PPP2CA: variants seen among roughly 807,000 people sequenced by gnomAD.
The protein encoded by PPP2CA is serine/threonine-protein phosphatase 2A catalytic subunit alpha isoform.
A neutral mutation model predicts 38.8 loss-of-function variants in PPP2CA; 5 were observed. That is an observed-to-expected ratio of 0.13 (90% CI 0.07 to 0.27). The LOEUF (loss-of-function observed/expected upper bound fraction) is 0.27, where lower values mean the gene tolerates loss of function less well. Among genes scored for constraint, PPP2CA ranks in the 10% least tolerant of loss-of-function variants. PPP2CA has a pLI of 1.00. For synonymous variants in PPP2CA, 152 were observed against 134.0 expected (o/e 1.13, Z -0.93); for missense variants, 88 against 389.7 (o/e 0.23, Z 6.52).
chr5:134,215,081 G>C (rs1156786533), intron 1 of PPP2CA, among the ~76,000 whole-genome samples: 1 of 144,976 alleles, frequency 6.9e-6, no homozygotes, highest in Non-Finnish European at 1.5e-5. Context: ...CTTGAGAAGT[G>C]TCTAATATTT....
intron 3 of PPP2CA, among the ~76,000 whole-genome samples, 151 bp downstream of exon 3, chr5:134,201,692 CAAATT>C (rs986803054): frequency 2.0e-5 from 3 of 152,090 alleles, no homozygotes; most frequent in African/African-American, 7.2e-5. Flanking sequence ...ACACATTTGT[CAAATT>C]AAATTTTTTT....
At position 134,200,428 on chromosome 5, in the gene PPP2CA, T is replaced by C. The variant is rs1335776643; in HGVS notation, c.645A>G (p.Gly215=). 6.2e-7 allele frequency: 1 copy of C among 1,614,048 alleles called. No homozygotes were observed. The highest frequency in any genetic ancestry group is 8.5e-7 in the Non-Finnish European group (1 of 1,180,032). The change falls in exon 5 of 7, where the codon GGA becomes GGG. Residue 215 remains glycine, a synonymous_variant. Transcript: ENST00000481195. Reference sequence around the variant, plus strand: ...TATCTTGCCCAAAGGTGTAACCAGCTCCTCGAGGAGATATACCCCAACCAC... The same window carrying C: ...TATCTTGCCCAAAGGTGTAACCAGCCCCTCGAGGAGATATACCCCAACCAC... The part of the protein sequence containing the change: ...DRGGWGISPR[G]AGYTFGQDIS...
chr5:134,213,410 TG>T (rs1260134741), intron 1 of PPP2CA, among the ~76,000 whole-genome samples: 1 of 97,916 alleles, frequency 1.0e-5, no homozygotes, highest in Non-Finnish European at 2.3e-5. Context: ...TGAGACCTAC[TG>T]CTCAGAAAAA....
intron 2 of PPP2CA, among the ~76,000 whole-genome samples, chr5:134,204,459 T>C (rs1344121369): frequency 6.6e-6 from 1 of 152,178 alleles, no homozygotes; most frequent in Non-Finnish European, 1.5e-5. Flanking sequence ...TTTCTACCAT[T>C]CTAGATTTTT....
chr5:134,205,859 A>G (rs1447324302), intron 2 of PPP2CA, 63 bp downstream of exon 2: 1 of 1,432,524 alleles, frequency 7.0e-7, no homozygotes, highest in Non-Finnish European at 9.7e-7. Flanking sequence ...ACTGGGGGAA[A>G]AAAAACTTTC....
chr5:134,214,159 T>A (rs1762269302), intron 1 of PPP2CA, among the ~76,000 whole-genome samples: 1 of 151,972 alleles, frequency 6.6e-6, no homozygotes, highest in Non-Finnish European at 1.5e-5. Flanking sequence ...AAAAAAAAAA[T>A]TAAAAGGTTA....
rs565711565 is a variant in PPP2CA, at chr5:134,225,520, CAA to C, written c.102+238_102+239del. ...CGTCTGGCGCCAAGGCCGGCTGACT[CAA>C]AAGCCCAGGAGTCGAGTGAACGGCG... is the stretch of plus-strand genomic sequence containing the variant. On this transcript the variant is annotated intron_variant, in intron 1 of 6. Coordinates refer to ENST00000481195, the MANE Select transcript of PPP2CA (RefSeq NM_002715.4). The C allele has an allele frequency of 1.1e-5, 5 of 451,236 alleles. No homozygotes were observed. The South Asian group carries it at 1.5e-4, about 13-fold the overall frequency. The allele number at this position is 451,236 out of a possible 1,614,324, so 28.0% of individuals were successfully genotyped here.
In PPP2CA at chr5:134,201,048, C is replaced by G. The variant is rs778165477; in HGVS notation, c.513G>C (p.Ser171=). ...TATGATCCAGTGTATCTATAGATGG[C>G]GAGAGACCACCATGTAGACAGAAGA... ...GQIFCLHGGL[S]PSIDTLDHIR... The change falls in exon 4 of 7, where the codon TCG becomes TCC. Residue 171 remains serine (S), a synonymous_variant. Coordinates refer to ENST00000481195, the MANE Select transcript of PPP2CA (RefSeq NM_002715.4). The G allele has an allele frequency of 6.2e-7, 1 of 1,612,640 alleles. No homozygotes were observed. The highest frequency in any genetic ancestry group is 2.2e-5 in the East Asian group (1 of 44,878).
Position 134,197,695 on chromosome 5 carries a change from G to T in PPP2CA, c.*77C>A. 1.7e-6 allele frequency: 2 copies of T among 1,150,542 alleles called. No individual in the cohort carries two copies. The highest frequency in any genetic ancestry group is 1.3e-6 in the Non-Finnish European group (1 of 768,778). The allele number at this position is 1,150,542 out of a possible 1,614,324, so 71.3% of individuals were successfully genotyped here. ...AATGTTAACTATTTTCTGACACTTT[G>T]GAGTTACTGTTGCTCTTCCCATTTC... On this transcript the variant is annotated 3_prime_UTR_variant, in exon 7 of 7. Coordinates refer to ENST00000481195, the MANE Select transcript of PPP2CA (RefSeq NM_002715.4).
At chr5:134,210,967 G>C (rs763191266) in intron 1 of PPP2CA, among the ~76,000 whole-genome samples, 26 of 152,186 alleles carry the variant, frequency 1.7e-4, no homozygotes, top group Non-Finnish European at 3.1e-4. Flanking sequence ...GTTAAAACTA[G>C]AATGAGGCGA....
intron 1 of PPP2CA, among the ~76,000 whole-genome samples, chr5:134,208,710 A>G (rs891106345): frequency 2.0e-5 from 3 of 152,170 alleles, no homozygotes; most frequent in Non-Finnish European, 4.4e-5. Context: ...TTTTCACACC[A>G]TCATTAAGTC....
At chr5:134,197,947 T>C in intron 6 of PPP2CA, 103 bp from the exon 7 acceptor site, 1 of 971,690 alleles carries the variant, frequency 1.0e-6, no homozygotes, top group Non-Finnish European at 1.6e-6. Flanking sequence ...TCCTATTCAA[T>C]TTTGGCTTGT....
In PPP2CA at chr5:134,206,144, G is replaced by A. The variant is rs1011270356; in HGVS notation, c.103-13C>T. On this transcript the variant is annotated splice_polypyrimidine_tract_variant and intron_variant, in intron 1 of 6. Transcript: ENST00000481195. The stretch of plus-strand genomic sequence containing the variant: ...GGATTTCTTTAGCCTACAGATGGGA[G>A]ACAAAAATAAGGCAATACATTTGGC... The A allele has an allele frequency of 2.5e-6, 4 of 1,598,128 alleles. No homozygotes were observed. Among genetic ancestry groups the A allele is most frequent in the Non-Finnish European group, 2.6e-6 (3 of 1,166,808 alleles).
chr5:134,217,871 G>A (rs1302600607), intron 1 of PPP2CA, among the ~76,000 whole-genome samples: 2 of 152,182 alleles, frequency 1.3e-5, no homozygotes, highest in Non-Finnish European at 2.9e-5. Context: ...ACAAACCTAA[G>A]CTATTGGATA....
chr5:134,198,395 A>AAAACAAACAAAC (rs70976523), intron 6 of PPP2CA, among the ~76,000 whole-genome samples: 7 of 150,724 alleles, frequency 4.6e-5, no homozygotes, highest in African/African-American at 1.7e-4. Context: ...TCCGTCTCAA[A>AAAACAAACAAAC]AAACAAACAA....
At chr5:134,223,010 C>A (rs769317847) in intron 1 of PPP2CA, among the ~76,000 whole-genome samples, 4 of 152,128 alleles carry the variant, frequency 2.6e-5, no homozygotes, top group Non-Finnish European at 5.9e-5. Context: ...ATAATGGCCT[C>A]AGGATTTTTT....
chr5:134,220,295 C>T (rs1314611339), intron 1 of PPP2CA, among the ~76,000 whole-genome samples: 1 of 151,484 alleles, frequency 6.6e-6, no homozygotes, highest in Non-Finnish European at 1.5e-5. Flanking sequence ...CCTGTCTCTA[C>T]TAAAAATACA....
In PPP2CA at chr5:134,211,476, ATT is replaced by A. The variant is rs59314759; in HGVS notation, c.103-5347_103-5346del. On this transcript the variant is annotated intron_variant, in intron 1 of 6. Transcript: ENST00000481195. ...TCCATGCTGTTTTTCATGGAAGACA[ATT>A]TTTTTTTTTTTTTTTGAGACAGAGT... Among the ~76,000 whole-genome samples, 930 of 131,746 alleles carry A rather than the reference ATT, an allele frequency of 7.1e-3. 3 individuals are homozygous for A. Among genetic ancestry groups the A allele is most frequent in the East Asian group, 0.028 (132 of 4,642 alleles). The allele number at this position is 131,746 out of a possible 152,430, so 86.4% of individuals were successfully genotyped here.
At chr5:134,223,770 C>T (rs939659577) in intron 1 of PPP2CA, among the ~76,000 whole-genome samples, 11 of 152,200 alleles carry the variant, frequency 7.2e-5, no homozygotes, top group Non-Finnish European at 7.4e-5. Context: ...TCATACCATG[C>T]TTTTCTTTCA....
Sources: gnomAD v4.1 joint callset for allele counts (sites outside exome capture counted in the v4.1 genomes callset) on GRCh38, gnomAD v4.1.1 for gene constraint, MANE v1.5 for transcripts, NCBI Gene and HGNC (gene_info 2026-07-23, HGNC 2026-07-21) for gene names.